FBXO15: variants seen among roughly 807,000 people sequenced by gnomAD.
The protein encoded by FBXO15 is F-box protein 15.
A neutral mutation model predicts 49.5 loss-of-function variants in FBXO15; 30 were observed. The ratio of observed to expected loss-of-function variants is 0.61; its 90% CI spans 0.45 to 0.82. The LOEUF is 0.82. FBXO15 is among the 40% of genes least tolerant of loss of function. The probability of loss-of-function intolerance (pLI) is 0.00; values close to 1 mark genes in which losing one functional copy is unlikely to be tolerated. For synonymous variants in FBXO15, 250 were observed against 232.7 expected, an observed-to-expected ratio of 1.07 and a Z score of -0.68; for missense variants, 591 against 631.5, an observed-to-expected ratio of 0.94 and a Z score of 0.69.
chr18:74,093,075 CA>C (rs1248528146), intron 8 of FBXO15, among the ~76,000 whole-genome samples: 3 of 152,068 alleles, frequency 2.0e-5, no homozygotes, highest in Non-Finnish European at 4.4e-5. Flanking sequence ...AGTGGCAACA[CA>C]GGGTGGGGGC....
intron 8 of FBXO15, among the ~76,000 whole-genome samples, chr18:74,084,410 G>A (rs1327919921): frequency 6.6e-6 from 1 of 152,236 alleles, no homozygotes; most frequent in African/African-American, 2.4e-5. Context: ...GCCATCTGCT[G>A]GCAGAGGCAG....
In FBXO15 at chr18:74,126,045, G is replaced by T. The variant is rs375993337; in HGVS notation, c.842C>A (p.Thr281Asn). Residue 281 changes from threonine (T) to asparagine (N), a missense_variant, in exon 6 of 10, where the codon ACC (threonine) becomes AAC (asparagine). Physicochemically the swap from Thr to Asn is moderately conservative, Grantham distance 65. Transcript: ENST00000419743. ...AATGAGTCTGTCACAGCCAATCATG[G>T]TAGATATGGTCAAATGACTCAGATT... ...KYNLSHLTIS[T>N]MIGCDRLIRI... is the part of the protein sequence containing the mutation. The T allele has an allele frequency of 4.3e-5, 70 of 1,614,006 alleles. No individual in the cohort carries two copies. The highest frequency in any genetic ancestry group is 5.8e-5 in the Non-Finnish European group (69 of 1,179,998).
At chr18:74,090,828 G>A (rs576350974) in intron 8 of FBXO15, among the ~76,000 whole-genome samples, 44 of 152,182 alleles carry the variant, frequency 2.9e-4, no homozygotes, top group Non-Finnish European at 5.7e-4. Context: ...GTCTGGTTGT[G>A]TGGTCGATTT....
intron 8 of FBXO15, among the ~76,000 whole-genome samples, chr18:74,110,407 G>GAT (rs1290156895): frequency 6.6e-6 from 1 of 151,652 alleles, no homozygotes; most frequent in African/African-American, 2.4e-5. Flanking sequence ...AAGTATAAGT[G>GAT]ATATGCTAAG....
At chr18:74,087,981 T>C (rs979541860) in intron 8 of FBXO15, among the ~76,000 whole-genome samples, 2 of 152,220 alleles carry the variant, frequency 1.3e-5, no homozygotes, top group African/African-American at 4.8e-5. Flanking sequence ...GTTGAGCATT[T>C]TATCATATGC....
At chr18:74,123,214 A>G (rs1599171841) in intron 8 of FBXO15, 154 bp downstream of exon 8, 1 of 778,482 alleles carries the variant, frequency 1.3e-6, no homozygotes, top group African/African-American at 1.8e-5. Context: ...GAGGACTTTC[A>G]CAAGCCCTGG....
At chr18:74,138,388 C>T (rs892140978) in intron 2 of FBXO15, among the ~76,000 whole-genome samples, 2 of 152,170 alleles carry the variant, frequency 1.3e-5, no homozygotes, top group Non-Finnish European at 2.9e-5. Context: ...CCCCCGCCTC[C>T]CCAGGCCGCA....
intron 1 of FBXO15, chr18:74,146,945 C>T (rs1177693795): frequency 6.6e-6 from 1 of 152,164 alleles, no homozygotes; most frequent in Non-Finnish European, 1.5e-5. Context: ...CCATTCTTGG[C>T]ATTATCCCTC....
At chr18:74,109,424 T>C (rs1913910685) in intron 8 of FBXO15, among the ~76,000 whole-genome samples, 1 of 152,192 alleles carries the variant, frequency 6.6e-6, no homozygotes, top group African/African-American at 2.4e-5. Context: ...AGTGTGGCAA[T>C]TCCTCAAGGA....
intron 9 of FBXO15, among the ~76,000 whole-genome samples, chr18:74,077,190 A>G (rs1912289674): frequency 6.6e-6 from 1 of 152,220 alleles, no homozygotes; most frequent in African/African-American, 2.4e-5. Context: ...GCACACAGTC[A>G]CTGAAGCTCA....
chr18:74,098,549 C>T (rs941169698), intron 8 of FBXO15: 3 of 152,028 alleles, frequency 2.0e-5, no homozygotes, highest in African/African-American at 7.2e-5. Context: ...TTTGAATTAA[C>T]CCAGTCTAAC....
chr18:74,146,186 C>T (rs1460782456), intron 1 of FBXO15, among the ~76,000 whole-genome samples: 2 of 152,192 alleles, frequency 1.3e-5, no homozygotes, highest in Non-Finnish European at 2.9e-5. Context: ...CTTTCTGCTA[C>T]ACTTCTTACA....
chr18:74,144,481 C>G (rs565930934), intron 1 of FBXO15, among the ~76,000 whole-genome samples: 2 of 152,082 alleles, frequency 1.3e-5, no homozygotes, highest in Non-Finnish European at 2.9e-5. Context: ...CAGCACAATC[C>G]TTGAGACTGG....
intron 1 of FBXO15, among the ~76,000 whole-genome samples, chr18:74,141,214 T>G (rs1599193945): frequency 6.6e-6 from 1 of 152,194 alleles, no homozygotes; most frequent in Admixed American, 6.5e-5. Flanking sequence ...TCAAAACCAG[T>G]AGTACTCAGC....
chr18:74,126,161 G>A, intron 5 of FBXO15, 60 bp from the exon 6 acceptor site: 1 of 1,596,556 alleles, frequency 6.3e-7, no homozygotes, highest in Non-Finnish European at 8.6e-7. Flanking sequence ...CCATAGTGTT[G>A]TCAATTCTCT....
At chr18:74,119,382 T>C (rs1256009303) in intron 8 of FBXO15, among the ~76,000 whole-genome samples, 1 of 152,212 alleles carries the variant, frequency 6.6e-6, no homozygotes, top group Non-Finnish European at 1.5e-5. Flanking sequence ...GCCTACTATG[T>C]GCCATGACAG....
chr18:74,147,787 G>C lies in FBXO15; in HGVS notation c.-2C>G. On this transcript the variant is annotated 5_prime_UTR_variant, in exon 1 of 10. Coordinates refer to ENST00000419743, the MANE Select transcript of FBXO15 (RefSeq NM_001142958.2). ...GATCCGACCGCGTCCAGTCGCCATA[G>C]AGACAAGGAGTTCACCACAGGACCG... 1.3e-6 allele frequency: 2 copies of C among 1,530,318 alleles called. No individual in the cohort carries two copies. The highest frequency in any genetic ancestry group is 8.8e-7 in the Non-Finnish European group (1 of 1,141,082). 94.8% of individuals were successfully genotyped at this position (1,530,318 alleles called of 1,614,324 possible). A position where few individuals can be genotyped will look rare whatever the true frequency, so the allele number is the denominator to read the frequency against.
chr18:74,103,320 T>A (rs1913605682), intron 8 of FBXO15, among the ~76,000 whole-genome samples: 1 of 150,414 alleles, frequency 6.6e-6, no homozygotes, highest in African/African-American at 2.5e-5. Flanking sequence ...AAACACTTAG[T>A]CAGAGGAAAA....
intron 8 of FBXO15, among the ~76,000 whole-genome samples, chr18:74,093,148 CG>C (rs1913121477): frequency 6.7e-6 from 1 of 148,178 alleles, no homozygotes; most frequent in Admixed American, 6.8e-5. Context: ...CAGCAACAGG[CG>C]GGTGGTGGGT....
Sources: gnomAD v4.1 joint callset for allele counts (sites outside exome capture counted in the v4.1 genomes callset) on GRCh38, gnomAD v4.1.1 for gene constraint, MANE v1.5 for transcripts, NCBI Gene and HGNC (gene_info 2026-07-23, HGNC 2026-07-21) for gene names.